Variants in ATP11C observed in about 807,000 individuals in gnomAD.
ATP11C encodes phospholipid-transporting ATPase IG.
In ATP11C, 36 loss-of-function variants were observed where a neutral mutation model predicts 97.4. The ratio of observed to expected loss-of-function variants is 0.37; its 90% CI spans 0.28 to 0.49. The LOEUF (loss-of-function observed/expected upper bound fraction) is 0.49. Ranked by LOEUF, ATP11C falls within the 20% of genes least tolerant of loss-of-function variation. The pLI is 0.98. For synonymous variants in ATP11C, 275 were observed against 290.9 expected (o/e 0.95, Z 0.56); for missense variants, 730 against 824.6 (o/e 0.89, Z 1.40).
At chrX:139,814,311 C>T (rs1430682611) in intron 5 of ATP11C, among the ~76,000 whole-genome samples, 1 of 110,766 alleles carries the variant, frequency 9.0e-6, no homozygotes, top group East Asian at 2.8e-4. Flanking sequence ...ATGGTACAGG[C>T]ACTATGGAAA....
intron 1 of ATP11C, among the ~76,000 whole-genome samples, chrX:139,867,544 C>A (rs910782223): frequency 3.6e-5 from 4 of 111,868 alleles, no homozygotes; most frequent in African/African-American, 1.3e-4. Context: ...ATCATTATAA[C>A]CCAGTGTGGT....
At chrX:139,735,194 C>G (rs1814993508) in intron 28 of ATP11C, among the ~76,000 whole-genome samples, 1 of 111,694 alleles carries the variant, frequency 9.0e-6, no homozygotes, top group Non-Finnish European at 1.9e-5. Flanking sequence ...CTGAATTGAA[C>G]AGAATTCAGC....
At position 139,739,042 on chromosome X, in the gene ATP11C, T is replaced by C. The variant is rs190498927; in HGVS notation, c.3135-973A>G. Among the ~76,000 whole-genome samples the C allele has an allele frequency of 5.6e-4, 62 of 111,297 alleles. No homozygotes were observed. The East Asian group carries it at 0.014, about 25-fold the overall frequency. ...CTCTACTTTTATGAAAATTAGATTG[T>C]GGAATAAAAGTGAGAACAGGAAGGT... On this transcript the variant is annotated intron_variant, in intron 27 of 29. Transcript: ENST00000682941.
chrX:139,865,140 G>A (rs1312643969), intron 1 of ATP11C, among the ~76,000 whole-genome samples: 1 of 111,796 alleles, frequency 8.9e-6, no homozygotes, highest in Non-Finnish European at 1.9e-5. Flanking sequence ...ACTCTGGAAG[G>A]CTGAGGCAGG....
chrX:139,931,929 C>T, intron 1 of ATP11C, 87 bp downstream of exon 1: 1 of 1,033,928 alleles, frequency 9.7e-7, no homozygotes, highest in Non-Finnish European at 1.3e-6. Context: ...CGTAACTGCC[C>T]CCTCAGAAAA....
At chrX:139,903,730 A>G (rs1040346718) in intron 1 of ATP11C, among the ~76,000 whole-genome samples, 7 of 110,782 alleles carry the variant, frequency 6.3e-5, no homozygotes, top group Admixed American at 9.7e-5. Context: ...CAGACATCCT[A>G]TCTGCCAGAG....
chrX:139,889,294 T>G lies in ATP11C; in HGVS notation c.27+42722A>C, dbSNP rs140578500. Among the ~76,000 whole-genome samples the G allele has an allele frequency of 2.8e-4, 31 of 111,975 alleles. No individual in the cohort carries two copies. The East Asian group carries it at 8.4e-3, about 30-fold the overall frequency. On this transcript the variant is annotated intron_variant, in intron 1 of 29. Transcript: ENST00000682941. ...ACATAGATGACTCCCAAAAGCATTA[T>G]GCCAAGTAAAACAAGCCAGACTCAA...
rs1296787479 is a variant in ATP11C, at chrX:139,737,978, T to C, written c.3226A>G (p.Ile1076Val). 9.2e-6 allele frequency: 11 copies of C among 1,201,327 alleles called. No homozygotes were observed. Among genetic ancestry groups the C allele is most frequent in the Non-Finnish European group, 1.2e-5 (11 of 888,498 alleles). ...TWLAIILLIF[I>V]SLFPEILLIV... ...AGAAGAATCTCAGGGAACAGGCTGA[T>C]AAATATTAGAAGAATTATAGCCAAC... Residue 1076 changes from isoleucine (I) to valine (V), a missense_variant, in exon 28 of 30, where the codon ATC becomes GTC. By Grantham distance (29) the Ile-to-Val change is conservative (BLOSUM62 3). Transcript: ENST00000682941.
At chrX:139,896,747 C>T (rs1366899682) in intron 1 of ATP11C, among the ~76,000 whole-genome samples, 4 of 108,624 alleles carry the variant, frequency 3.7e-5, no homozygotes, top group Non-Finnish European at 5.7e-5. Flanking sequence ...CCTGGGTAGT[C>T]CCAAGCATGC....
intron 6 of ATP11C, 138 bp downstream of exon 6, chrX:139,804,333 A>G (rs1603377510): frequency 2.1e-6 from 1 of 467,710 alleles, no homozygotes; most frequent in Non-Finnish European, 3.3e-6. Context: ...AAACAATTAC[A>G]TAACAGCTCT....
intron 12 of ATP11C, 24 bp from the exon 13 acceptor site, chrX:139,789,512 ATT>A: frequency 8.8e-7 from 1 of 1,131,784 alleles, no homozygotes; most frequent in Non-Finnish European, 1.2e-6. Context: ...ACAAACATAT[ATT>A]GTTAGTTTCT....
intron 1 of ATP11C, among the ~76,000 whole-genome samples, chrX:139,883,623 T>C (rs985644160): frequency 9.0e-6 from 1 of 111,225 alleles, no homozygotes; most frequent in Non-Finnish European, 1.9e-5. Flanking sequence ...ATGATGATCT[T>C]TGGGAAAATG....
rs113975381 is a variant in ATP11C at position 139,728,595 on chromosome X, T to TA, written c.*370dup. The TA allele has an allele frequency of 0.041, 7,448 of 183,150 alleles. 535 individuals are homozygous for TA. The highest frequency in any genetic ancestry group is 0.21 in the African/African-American group (6,892 of 33,551). 15.1% of individuals were successfully genotyped at this position (183,150 alleles called of 1,213,427 possible). On this transcript the variant is annotated 3_prime_UTR_variant, in exon 30 of 30. Coordinates refer to ENST00000682941, the MANE Select transcript of ATP11C (RefSeq NM_001353812.2). Reference sequence around the variant, plus strand: ...CTATTCATTCTCATTGCATAACTTCTACTTCATACTATTGTATTTAAATCC... The same window carrying TA: ...CTATTCATTCTCATTGCATAACTTCTAACTTCATACTATTGTATTTAAATCC...
At chrX:139,936,025 G>T (rs887144913), upstream of ATP11C, among the ~76,000 whole-genome samples, 3 of 110,681 alleles carry the variant, frequency 2.7e-5, no homozygotes, top group Non-Finnish European at 5.7e-5. Context: ...TCTGGGGGCA[G>T]GATGGCTCAC....
At chrX:139,822,394 GTTT>G (rs1232351743) in intron 2 of ATP11C, among the ~76,000 whole-genome samples, 2 of 101,014 alleles carry the variant, frequency 2.0e-5, no homozygotes, top group Admixed American at 1.1e-4. Context: ...TGTTTTTTGG[GTTT>G]TTTTTGTTTG....
intron 2 of ATP11C, among the ~76,000 whole-genome samples, chrX:139,825,245 T>C (rs2083504281): frequency 9.0e-6 from 1 of 111,731 alleles, no homozygotes; most frequent in Admixed American, 9.5e-5. Context: ...AAAGACCTCT[T>C]TATTCAGAGC....
At chrX:139,798,027 C>G (rs1012819074) in intron 10 of ATP11C, among the ~76,000 whole-genome samples, 3 of 111,937 alleles carry the variant, frequency 2.7e-5, no homozygotes, top group Non-Finnish European at 5.6e-5. Context: ...CATACCATCT[C>G]CAAGACCATT....
chrX:139,863,505 C>G (rs987384176), intron 1 of ATP11C, among the ~76,000 whole-genome samples: 11 of 110,295 alleles, frequency 1.0e-4, no homozygotes, highest in Non-Finnish European at 2.1e-4. Flanking sequence ...TGCACTCCAG[C>G]CTGGATGACA....
At chrX:139,753,502 A>T (rs1407855882) in intron 23 of ATP11C, among the ~76,000 whole-genome samples, 1 of 111,597 alleles carries the variant, frequency 9.0e-6, no homozygotes, top group East Asian at 2.8e-4. Context: ...AGCACTAAAC[A>T]CCCGCATCAA....
Sources: gnomAD v4.1 joint callset for allele counts (sites outside exome capture counted in the v4.1 genomes callset) on GRCh38, gnomAD v4.1.1 for gene constraint, MANE v1.5 for transcripts, NCBI Gene and HGNC (gene_info 2026-07-23, HGNC 2026-07-21) for gene names.